Variants in NELL1 observed in about 807,000 individuals in gnomAD.
The protein encoded by NELL1 is protein kinase C-binding protein NELL1.
In NELL1, 76 loss-of-function variants were observed where a neutral mutation model predicts 107.4. The observed-to-expected ratio is 0.71, with a 90% CI of 0.59 to 0.86. The LOEUF (loss-of-function observed/expected upper bound fraction) is 0.86. Among genes scored for constraint, NELL1 ranks in the 40% least tolerant of loss-of-function variants. The pLI is 0.00. For synonymous variants in NELL1, 353 were observed against 341.2 expected (o/e 1.03, Z -0.38); for missense variants, 1,024 against 1,005.5 (o/e 1.02, Z -0.25).
intron 15 of NELL1, among the ~76,000 whole-genome samples, chr11:21,392,578 C>A (rs956123745): frequency 4.6e-5 from 7 of 151,698 alleles, no homozygotes; most frequent in South Asian, 2.1e-4. Flanking sequence ...ATTATTTAAG[C>A]CAGTATCTTT....
chr11:21,358,645 G>C (rs1850999441), intron 14 of NELL1, among the ~76,000 whole-genome samples: 1 of 136,350 alleles, frequency 7.3e-6, no homozygotes, highest in African/African-American at 2.7e-5. Flanking sequence ...TTGAACTCCT[G>C]ACCTCGGGTG....
chr11:20,865,291 A>G (rs988673831), intron 4 of NELL1, among the ~76,000 whole-genome samples: 28 of 152,316 alleles, frequency 1.8e-4, no homozygotes, highest in African/African-American at 6.3e-4. Flanking sequence ...TAAACACCAC[A>G]TGAAAAAGGT....
intron 12 of NELL1, among the ~76,000 whole-genome samples, chr11:21,034,203 G>T (rs2176317): frequency 1.3e-5 from 2 of 152,130 alleles, no homozygotes; most frequent in Admixed American, 1.3e-4. Flanking sequence ...GTAAGGAGGG[G>T]ATCTAGCTTC....
intron 12 of NELL1, among the ~76,000 whole-genome samples, chr11:20,975,762 A>ATAATG (rs1851601213): frequency 7.8e-6 from 1 of 128,412 alleles, no homozygotes; most frequent in African/African-American, 3.1e-5. Context: ...TACATATTAT[A>ATAATG]TATGTATTAT....
chr11:21,249,041 C>T (rs1437399633), intron 14 of NELL1, among the ~76,000 whole-genome samples: 1 of 152,022 alleles, frequency 6.6e-6, no homozygotes, highest in African/African-American at 2.4e-5. Flanking sequence ...TATACCCAGC[C>T]CTGCCTGAAG....
At chr11:20,745,012 C>G (rs111388808) in intron 2 of NELL1, among the ~76,000 whole-genome samples, 153 of 152,310 alleles carry the variant, frequency 1.0e-3, no homozygotes, top group African/African-American at 3.6e-3. Flanking sequence ...GCTGAAGAAG[C>G]CTTCTCTCTA....
intron 12 of NELL1, among the ~76,000 whole-genome samples, chr11:21,039,127 A>G (rs760516764): frequency 3.9e-5 from 6 of 152,106 alleles, no homozygotes; most frequent in African/African-American, 1.2e-4. Context: ...TGAAGGAGCT[A>G]TGTTTAAGGG....
At chr11:20,839,405 G>A (rs1848584946) in intron 3 of NELL1, among the ~76,000 whole-genome samples, 1 of 152,178 alleles carries the variant, frequency 6.6e-6, no homozygotes, top group South Asian at 2.1e-4. Context: ...AAATCACCAG[G>A]TCTAGTCTAA....
At chr11:21,343,646 T>G (rs77355588) in intron 14 of NELL1, among the ~76,000 whole-genome samples, 1,923 of 152,280 alleles carry the variant, frequency 0.013, 36 homozygotes, top group African/African-American at 0.044. Flanking sequence ...GCATATGGTC[T>G]TCATCAAAAT....
intron 14 of NELL1, among the ~76,000 whole-genome samples, chr11:21,342,655 A>G (rs1391563103): frequency 3.4e-5 from 5 of 147,970 alleles, no homozygotes; most frequent in Non-Finnish European, 6.0e-5. Context: ...AAAAAAAAAA[A>G]AAAGAAAAAG....
chr11:21,482,353 A>C (rs1347577295), intron 15 of NELL1, among the ~76,000 whole-genome samples: 1 of 152,158 alleles, frequency 6.6e-6, no homozygotes, highest in African/African-American at 2.4e-5. Context: ...CATATGCCCT[A>C]CACTCTAGGG....
intron 3 of NELL1, among the ~76,000 whole-genome samples, chr11:20,843,296 A>T (rs1279453740): frequency 1.3e-5 from 2 of 152,142 alleles, no homozygotes; most frequent in Non-Finnish European, 2.9e-5. Context: ...GGCCACAGAA[A>T]AATCATTGTT....
chr11:21,463,621 A>T lies in NELL1; in HGVS notation c.1646-70753A>T, dbSNP rs574129996. 3.3e-5 allele frequency among the ~76,000 whole-genome samples: 5 copies of T among 152,238 alleles called. No individual in the cohort carries two copies. In the East Asian group the frequency reaches 9.7e-4, roughly 29 times the overall value. On this transcript the variant is annotated intron_variant, in intron 15 of 19. Coordinates refer to ENST00000357134, the MANE Select transcript of NELL1 (RefSeq NM_006157.5). ...CTGCATTCCTAAGCTAAAGGATAAG[A>T]ACTACATCTGTCACTGAGAGGGTAC...
intron 13 of NELL1, among the ~76,000 whole-genome samples, chr11:21,155,711 A>G (rs1469594870): frequency 6.6e-6 from 1 of 152,046 alleles, no homozygotes; most frequent in African/African-American, 2.4e-5. Context: ...TAAATGGTGA[A>G]TGAGTGATTA....
Position 21,382,095 on chromosome 11 carries a change from C to G in NELL1, c.1645+11147C>G, listed in dbSNP as rs16908023. ...TTCTACAAATATTTTCTTAGTTCTT[C>G]GTTGATTCCTCAAATTGAAGAAAGG... On this transcript the variant is annotated intron_variant, in intron 15 of 19. Coordinates refer to ENST00000357134, the MANE Select transcript of NELL1 (RefSeq NM_006157.5). 4.1e-3 allele frequency among the ~76,000 whole-genome samples: 616 copies of G among 151,780 alleles called. 5 individuals carry two copies. Among genetic ancestry groups the G allele is most frequent in the African/African-American group, 0.014 (586 of 41,474 alleles).
At chr11:21,435,544 C>T (rs1462237408) in intron 15 of NELL1, among the ~76,000 whole-genome samples, 7 of 146,452 alleles carry the variant, frequency 4.8e-5, no homozygotes, top group Non-Finnish European at 7.5e-5. Flanking sequence ...TTATTGTATG[C>T]TTTTTCTGTA....
chr11:20,833,931 T>C (rs1027597675), intron 3 of NELL1, among the ~76,000 whole-genome samples: 3 of 152,194 alleles, frequency 2.0e-5, no homozygotes, highest in African/African-American at 7.2e-5. Flanking sequence ...CTAAAGCATG[T>C]AGTTTCCTGA....
At chr11:21,549,612 T>C (rs1388024021) in intron 16 of NELL1, among the ~76,000 whole-genome samples, 1 of 151,874 alleles carries the variant, frequency 6.6e-6, no homozygotes, top group Non-Finnish European at 1.5e-5. Flanking sequence ...AGTGCAGTCA[T>C]TTTTCTTATT....
At chr11:21,408,296 C>G (rs1852283675) in intron 15 of NELL1, among the ~76,000 whole-genome samples, 1 of 151,992 alleles carries the variant, frequency 6.6e-6, no homozygotes, top group Non-Finnish European at 1.5e-5. Context: ...TACCAGATAC[C>G]TTGCCTGGGA....
Sources: gnomAD v4.1 joint callset for allele counts (sites outside exome capture counted in the v4.1 genomes callset) on GRCh38, gnomAD v4.1.1 for gene constraint, MANE v1.5 for transcripts, NCBI Gene and HGNC (gene_info 2026-07-23, HGNC 2026-07-21) for gene names.